The following PCDHA7 variants were observed in gnomAD, a reference collection of about 807,000 sequenced individuals.
The protein encoded by PCDHA7 is protocadherin alpha 7.
Under a neutral mutation model 57.2 loss-of-function variants are expected in PCDHA7, and 37 were observed. That is an observed-to-expected ratio of 0.65 (90% CI 0.50 to 0.85). The LOEUF (loss-of-function observed/expected upper bound fraction) is 0.85, where lower values mean the gene tolerates loss of function less well. Ranked by LOEUF, PCDHA7 falls within the 40% of genes least tolerant of loss-of-function variation. The pLI, the probability that PCDHA7 is intolerant of heterozygous loss-of-function variation, is 0.00. For synonymous variants in PCDHA7, 553 were observed against 558.8 expected (o/e 0.99, Z 0.15); for missense variants, 1,188 against 1,241.8 (o/e 0.96, Z 0.65).
intron 1 of PCDHA7, chr5:140,857,702 G>C: frequency 6.3e-7 from 1 of 1,597,414 alleles, no homozygotes; most frequent in Non-Finnish European, 8.6e-7. Context: ...GACGCTGCAG[G>C]TGTTCGTGCT....
intron 3 of PCDHA7, among the ~76,000 whole-genome samples, chr5:140,986,890 G>A (rs965456573): frequency 6.6e-6 from 1 of 152,124 alleles, no homozygotes; most frequent in Non-Finnish European, 1.5e-5. Flanking sequence ...CAAATTCTTA[G>A]GCCCTATCCT....
chr5:140,884,503 A>C (rs782488569), intron 1 of PCDHA7: 82 of 1,613,940 alleles, frequency 5.1e-5, no homozygotes, highest in Middle Eastern at 1.6e-4. Flanking sequence ...CCAGCGCGGC[A>C]GGGAGTTGGT....
chr5:140,856,019 C>T (rs2043732184), intron 1 of PCDHA7: 1 of 1,551,820 alleles, frequency 6.4e-7, no homozygotes, highest in East Asian at 2.3e-5. Flanking sequence ...ACCGCTGATT[C>T]GTCGATTTGT....
At chr5:141,009,500 A>G (rs2098409925) in intron 3 of PCDHA7, 127 bp from the exon 4 acceptor site, 2 of 1,494,658 alleles carry the variant, frequency 1.3e-6, no homozygotes, top group Non-Finnish European at 1.8e-6. Flanking sequence ...TCAGACTTGA[A>G]CAAACAACTC....
At chr5:140,984,680 AT>A (rs1180119303) in intron 3 of PCDHA7, among the ~76,000 whole-genome samples, 1 of 152,158 alleles carries the variant, frequency 6.6e-6, no homozygotes, top group East Asian at 1.9e-4. Context: ...TTAGGACTCA[AT>A]ATATGTTCTG....
At chr5:140,996,697 C>T (rs559736986) in intron 3 of PCDHA7, among the ~76,000 whole-genome samples, 1 of 152,236 alleles carries the variant, frequency 6.6e-6, no homozygotes, top group East Asian at 1.9e-4. Flanking sequence ...TCTTCTGAAC[C>T]TCTATCTCTT....
intron 1 of PCDHA7, among the ~76,000 whole-genome samples, chr5:140,886,842 AAAAAAG>A (rs1562824849): frequency 6.6e-6 from 1 of 151,524 alleles, no homozygotes. Flanking sequence ...AAAAAAAAAA[AAAAAAG>A]AAAGGTCTTC....
intron 1 of PCDHA7, chr5:140,882,941 A>G (rs2059372388): frequency 6.2e-7 from 1 of 1,614,128 alleles, no homozygotes; most frequent in African/African-American, 1.3e-5. Context: ...GCTGACTGGC[A>G]CAGTTCAGCT....
intron 1 of PCDHA7, chr5:140,866,969 G>A (rs533294537): frequency 6.6e-6 from 1 of 152,230 alleles, no homozygotes; most frequent in South Asian, 2.1e-4. Context: ...GGTGACATCT[G>A]AAATATCACA....
At chr5:140,884,656 G>GA (rs1317691755) in intron 1 of PCDHA7, 2 of 1,602,060 alleles carry the variant, frequency 1.2e-6, no homozygotes, top group Non-Finnish European at 1.7e-6. Flanking sequence ...CAGAATGCTT[G>GA]AAAGAGGTAA....
intron 1 of PCDHA7, chr5:140,841,722 G>A (rs2150321630): frequency 1.2e-6 from 2 of 1,613,870 alleles, no homozygotes; most frequent in Admixed American, 1.7e-5. Context: ...CCAGTGTTCC[G>A]GGTAAAAGAC....
chr5:141,010,001 A>G lies in PCDHA7; in HGVS notation c.*64A>G. The G allele has an allele frequency of 6.4e-7, 1 of 1,574,588 alleles. No homozygotes were observed. The highest frequency in any genetic ancestry group is 8.6e-7 in the Non-Finnish European group (1 of 1,164,348). On this transcript the variant is annotated 3_prime_UTR_variant, in exon 4 of 4. Transcript: ENST00000525929. ...TAATAATGGCAAATCTCTCCCATGT[A>G]GCAATTCCCTGCTCCTTTTTCCTAT...
chr5:140,851,463 G>C (rs1194351869), intron 1 of PCDHA7: 1 of 894,166 alleles, frequency 1.1e-6, no homozygotes, highest in Non-Finnish European at 1.4e-6. Flanking sequence ...ATCAAATTAT[G>C]TCAATAAATG....
chr5:140,942,223 G>A (rs1334170178), intron 1 of PCDHA7, among the ~76,000 whole-genome samples: 4 of 152,064 alleles, frequency 2.6e-5, no homozygotes, highest in African/African-American at 9.7e-5. Flanking sequence ...TTTAAAATGT[G>A]TAGGCAAATA....
chr5:140,998,664 A>C (rs1204598567), intron 3 of PCDHA7, among the ~76,000 whole-genome samples: 1 of 151,936 alleles, frequency 6.6e-6, no homozygotes, highest in Non-Finnish European at 1.5e-5. Flanking sequence ...TCCTGGGTTC[A>C]AGTGATTCTC....
chr5:140,893,656 T>C (rs950016091), intron 1 of PCDHA7, among the ~76,000 whole-genome samples: 1 of 152,222 alleles, frequency 6.6e-6, no homozygotes. Flanking sequence ...CTGATAGTTT[T>C]AAAAAATTTC....
intron 1 of PCDHA7, chr5:140,969,073 G>T (rs781937942): frequency 2.5e-6 from 4 of 1,614,092 alleles, no homozygotes; most frequent in South Asian, 2.2e-5. Flanking sequence ...CCAGGATACC[G>T]CATGGCCTCA....
intron 1 of PCDHA7, among the ~76,000 whole-genome samples, chr5:140,956,723 A>G (rs536528599): frequency 6.6e-6 from 1 of 152,166 alleles, no homozygotes; most frequent in Non-Finnish European, 1.5e-5. Context: ...AAGAATTGGT[A>G]CCAGCTCCTC....
chr5:140,977,232 A>G (rs2096751038), intron 1 of PCDHA7, among the ~76,000 whole-genome samples: 1 of 152,368 alleles, frequency 6.6e-6, no homozygotes, highest in East Asian at 1.9e-4. Flanking sequence ...ACCCAATCAT[A>G]GAAAAATTGG....
Sources: allele counts gnomAD v4.1 joint callset (sites outside exome capture counted in the v4.1 genomes callset), GRCh38; gene constraint gnomAD v4.1.1; transcripts MANE v1.5; gene names NCBI Gene and HGNC (gene_info 2026-07-23, HGNC 2026-07-21).